ZNF254: variants seen among roughly 807,000 people sequenced by gnomAD.
ZNF254 encodes the protein CTD-2017D11.1.
ZNF254 carries 10 observed loss-of-function variants against 12.4 expected under a neutral mutation model. The observed-to-expected ratio is 0.80, with a 90% CI of 0.50 to 1.36. The LOEUF (loss-of-function observed/expected upper bound fraction) is 1.36. Ranked by LOEUF, ZNF254 falls within the 40% of genes most tolerant of loss-of-function variation. ZNF254 has a pLI of 0.00. For missense variants in ZNF254, 996 were observed against 763.9 expected, an observed-to-expected ratio of 1.30 and a Z score of -3.58; for synonymous variants, 305 against 253.4, an observed-to-expected ratio of 1.20 and a Z score of -1.93.
chr19:24,127,953 T>A lies in ZNF254; in HGVS notation c.1953T>A (p.Thr651=), dbSNP rs1274690117. 1 of 1,566,360 alleles carries A rather than the reference T, an allele frequency of 6.4e-7. No individual in the cohort carries two copies. Among genetic ancestry groups the A allele is most frequent in the East Asian group, 2.2e-5 (1 of 44,644 alleles). ...RSSHLTTDKI[T]HWREILQV ...CGCACCTCACCACAGATAAGATAACTCATTGGAGAGAAATCTTACAAGTAT... is the reference window on the plus strand; with the variant it reads ...CGCACCTCACCACAGATAAGATAACACATTGGAGAGAAATCTTACAAGTAT... Residue 651 remains threonine, a synonymous_variant, in exon 4 of 4, where the codon ACT becomes ACA. Transcript: ENST00000357002.
intron 3 of ZNF254, among the ~76,000 whole-genome samples, chr19:24,120,534 G>A (rs373399929): frequency 6.6e-6 from 1 of 152,052 alleles, no homozygotes; most frequent in Non-Finnish European, 1.5e-5. Flanking sequence ...CATTATGATA[G>A]TAAAGATTTC....
intron 3 of ZNF254, chr19:24,107,455 G>T: frequency 2.8e-6 from 1 of 362,582 alleles, no homozygotes; most frequent in East Asian, 4.2e-5. Context: ...CATTGATATT[G>T]TACATAAGTT....
chr19:24,059,340 T>C (rs1970983869), intron 2 of ZNF254, among the ~76,000 whole-genome samples: 1 of 152,208 alleles, frequency 6.6e-6, no homozygotes, highest in Non-Finnish European at 1.5e-5. Flanking sequence ...TTGTGATATA[T>C]TGTGTGGCCC....
At chr19:24,098,122 A>T (rs1178341866) in intron 1 of ZNF254, among the ~76,000 whole-genome samples, 4 of 152,244 alleles carry the variant, frequency 2.6e-5, no homozygotes, top group Non-Finnish European at 5.9e-5. Context: ...TTCCACATAC[A>T]TTATGAGTAG....
At chr19:24,099,078 C>CA (rs1972848358) in intron 1 of ZNF254, 2 of 144,008 alleles carry the variant, frequency 1.4e-5, no homozygotes, top group African/African-American at 5.2e-5. Context: ...CTCACTGCAA[C>CA]CTCTGCCTCC....
intron 1 of ZNF254, among the ~76,000 whole-genome samples, chr19:24,039,516 C>A (rs1970084076): frequency 6.6e-6 from 1 of 152,120 alleles, no homozygotes; most frequent in Admixed American, 6.5e-5. Context: ...CCTCTGCCTC[C>A]CTGGTTCAAG....
chr19:24,115,374 A>G (rs1486568946), intron 3 of ZNF254, among the ~76,000 whole-genome samples: 1 of 152,150 alleles, frequency 6.6e-6, no homozygotes, highest in Non-Finnish European at 1.5e-5. Context: ...TGTCCTTTGT[A>G]GGGACATGGA....
At chr19:24,089,329 T>C (rs1189230604) in intron 1 of ZNF254, among the ~76,000 whole-genome samples, 2 of 152,224 alleles carry the variant, frequency 1.3e-5, no homozygotes, top group African/African-American at 2.4e-5. Context: ...AGGTTTGTTT[T>C]CTTTTTGTAA....
chr19:24,125,040 C>T (rs572176372), intron 3 of ZNF254, among the ~76,000 whole-genome samples: 1 of 152,190 alleles, frequency 6.6e-6, no homozygotes, highest in African/African-American at 2.4e-5. Flanking sequence ...CCACCTTGGC[C>T]TCCCAAAGTG....
chr19:24,127,365 T>A lies in ZNF254; in HGVS notation c.1365T>A (p.Ile455=). Residue 455 remains isoleucine (I), a synonymous_variant, in exon 4 of 4, where the codon ATT becomes ATA. Coordinates refer to ENST00000357002, the MANE Select transcript of ZNF254 (RefSeq NM_203282.4). Reference sequence around the variant, plus strand: ...CAACCCTTACTAAACATAAGAGAATTCATACTAGAGAGAAACCCTACAAAT... The same window carrying A: ...CAACCCTTACTAAACATAAGAGAATACATACTAGAGAGAAACCCTACAAAT... ...WSSTLTKHKR[I]HTREKPYKCE... The A allele has an allele frequency of 6.2e-7, 1 of 1,612,818 alleles. No homozygotes were observed. The highest frequency in any genetic ancestry group is 8.5e-7 in the Non-Finnish European group (1 of 1,179,666).
intron 1 of ZNF254, among the ~76,000 whole-genome samples, chr19:24,090,943 A>ATTTTTTTT (rs869068959): frequency 6.7e-5 from 6 of 89,632 alleles, no homozygotes; most frequent in African/African-American, 9.4e-5. Context: ...TGGAGGAGTG[A>ATTTTTTTT]TTTTTTTTTT....
intron 2 of ZNF254, among the ~76,000 whole-genome samples, chr19:24,058,296 A>C (rs1175258247): frequency 1.3e-5 from 2 of 152,132 alleles, no homozygotes; most frequent in African/African-American, 4.8e-5. Flanking sequence ...TGCACCAGAA[A>C]CTAGGTGATG....
chr19:24,114,719 A>G (rs1355665429), intron 3 of ZNF254, among the ~76,000 whole-genome samples: 2 of 143,596 alleles, frequency 1.4e-5, no homozygotes, highest in East Asian at 4.0e-4. Context: ...AGCGAAAGAA[A>G]CTACCATCAG....
chr19:24,077,956 A>C (rs1204475465), intron 2 of ZNF254, among the ~76,000 whole-genome samples: 3 of 152,248 alleles, frequency 2.0e-5, no homozygotes, highest in Non-Finnish European at 2.9e-5. Flanking sequence ...AGCTTGGAAC[A>C]GTCTCAGCTC....
At chr19:24,047,932 C>T (rs1158345872) in intron 2 of ZNF254, among the ~76,000 whole-genome samples, 1 of 151,018 alleles carries the variant, frequency 6.6e-6, no homozygotes, top group African/African-American at 2.4e-5. Flanking sequence ...GGTGATCTGC[C>T]CACCTTAGCC....
At position 24,128,133 on chromosome 19, in the gene ZNF254, G is replaced by T. The variant is rs937567024; in HGVS notation, c.*153G>T. Reference sequence around the variant, plus strand: ...CATTCTGCTGAAAAATCCTAGAAATGTGAAGAATGTGAAAAAGCCTTTAAA... The same window carrying T: ...CATTCTGCTGAAAAATCCTAGAAATTTGAAGAATGTGAAAAAGCCTTTAAA... On this transcript the variant is annotated 3_prime_UTR_variant, in exon 4 of 4. Coordinates refer to ENST00000357002, the MANE Select transcript of ZNF254 (RefSeq NM_203282.4). The T allele has an allele frequency of 2.7e-6, 2 of 740,662 alleles. No individual in the cohort carries two copies. The highest frequency in any genetic ancestry group is 6.0e-5 in the East Asian group (2 of 33,250). The allele number at this position is 740,662 out of a possible 1,614,324, so 45.9% of individuals were successfully genotyped here. A position where few individuals can be genotyped will look rare whatever the true frequency, so the allele number is the denominator to read the frequency against.
At chr19:24,080,999 C>G (rs1168944904) in intron 2 of ZNF254, among the ~76,000 whole-genome samples, 1 of 151,572 alleles carries the variant, frequency 6.6e-6, no homozygotes, top group Non-Finnish European at 1.5e-5. Flanking sequence ...TTCACATAAA[C>G]CCGGGAGGCC....
Position 24,101,073 on chromosome 19 carries a change from G to A in ZNF254, c.31-4867G>A, listed in dbSNP as rs73524131. On this transcript the variant is annotated intron_variant, in intron 1 of 3. Coordinates refer to ENST00000357002, the MANE Select transcript of ZNF254 (RefSeq NM_203282.4). The stretch of plus-strand genomic sequence containing the variant: ...AACTCCCAACCTCAGGTGATCCTTC[G>A]ACCTCAGGGGATCCGCCTGCCTTGG... 4.4e-3 allele frequency among the ~76,000 whole-genome samples: 676 copies of A among 152,124 alleles called. 2 individuals are homozygous for A. The highest frequency in any genetic ancestry group is 0.016 in the African/African-American group (650 of 41,526).
chr19:24,104,977 A>G (rs1973247850), intron 1 of ZNF254: 1 of 152,226 alleles, frequency 6.6e-6, no homozygotes, highest in African/African-American at 2.4e-5. Context: ...AAATTACAGA[A>G]CATGAAAGAT....
Sources: gnomAD v4.1 joint callset for allele counts (sites outside exome capture counted in the v4.1 genomes callset) on GRCh38, gnomAD v4.1.1 for gene constraint, MANE v1.5 for transcripts, NCBI Gene and HGNC (gene_info 2026-07-23, HGNC 2026-07-21) for gene names.